NRXN1: variants seen among roughly 807,000 people sequenced by gnomAD.
The protein encoded by NRXN1 is neurexin-1.
In NRXN1, 39 loss-of-function variants were observed where a neutral mutation model predicts 150.9. The ratio of observed to expected loss-of-function variants is 0.26; its 90% confidence interval spans 0.20 to 0.34. The LOEUF (loss-of-function observed/expected upper bound fraction) is 0.34, where lower values mean the gene tolerates loss of function less well. Among genes scored for constraint, NRXN1 ranks in the 10% least tolerant of loss-of-function variants. NRXN1 has a pLI of 1.00. For missense variants in NRXN1, 1,815 were observed against 1,949.9 expected (o/e 0.93, Z 1.30); for synonymous variants, 924 against 757.0 (o/e 1.22, Z -3.62).
At chr2:50,603,565 G>A (rs758726143) in intron 8 of NRXN1, among the ~76,000 whole-genome samples, 1 of 152,106 alleles carries the variant, frequency 6.6e-6, no homozygotes, top group Non-Finnish European at 1.5e-5. Context: ...AGATGGTAGT[G>A]GTAGAAAATT....
At chr2:50,739,674 A>G (rs1699198076) in intron 5 of NRXN1, among the ~76,000 whole-genome samples, 1 of 152,142 alleles carries the variant, frequency 6.6e-6, no homozygotes. Context: ...TTTTTATATT[A>G]TCATTTTCCT....
In NRXN1 at chr2:50,347,432, A is replaced by C; in HGVS notation, c.3365-110462T>G. ...TTTGTGTGCGGGGACTAGGGAGGCC[A>C]CTTCGCCGGCCCAACCTCCTTTCAA... On this transcript the variant is annotated intron_variant, in intron 17 of 22. Transcript: ENST00000401669. The surrounding 1 kb of genome is among the most constrained non-coding windows in gnomAD (Gnocchi z 4.9). The C allele has an allele frequency of 8.8e-7, 1 of 1,142,710 alleles. No individual in the cohort carries two copies. The highest frequency in any genetic ancestry group is 1.1e-6 in the Non-Finnish European group (1 of 917,828). 70.8% of individuals were successfully genotyped at this position (1,142,710 alleles called of 1,614,324 possible).
intron 8 of NRXN1, among the ~76,000 whole-genome samples, chr2:50,567,271 A>C (rs900317131): frequency 6.6e-6 from 1 of 152,214 alleles, no homozygotes; most frequent in Non-Finnish European, 1.5e-5. Context: ...AACATTCAAC[A>C]CATCAGTTTT....
At position 50,863,127 on chromosome 2, in the gene NRXN1, A is replaced by T. The variant is rs561684704; in HGVS notation, c.832+58742T>A. 3.3e-5 allele frequency among the ~76,000 whole-genome samples: 5 copies of T among 151,482 alleles called. No individual in the cohort carries two copies. In the East Asian group the frequency reaches 9.8e-4, roughly 30 times the overall value. ...CACTGACTATCATATTTGGTAAGGT[A>T]GTTTATAAAGGGGTTTAGAAAGTTA... On this transcript the variant is annotated intron_variant, in intron 5 of 22. Coordinates refer to ENST00000401669, the MANE Select transcript of NRXN1 (RefSeq NM_001330078.2).
At chr2:50,848,207 G>A (rs1276920007) in intron 5 of NRXN1, among the ~76,000 whole-genome samples, 1 of 152,084 alleles carries the variant, frequency 6.6e-6, no homozygotes, top group African/African-American at 2.4e-5. Context: ...TCAAACAGCA[G>A]GGCACTGAAG....
chr2:50,440,752 C>T (rs1465864415), intron 17 of NRXN1, among the ~76,000 whole-genome samples: 4 of 151,894 alleles, frequency 2.6e-5, no homozygotes, highest in African/African-American at 7.3e-5. Context: ...TTATTTTTTC[C>T]TTTGTGCTCA....
chr2:50,837,625 G>C (rs1235966818), intron 5 of NRXN1, among the ~76,000 whole-genome samples: 1 of 151,990 alleles, frequency 6.6e-6, no homozygotes, highest in East Asian at 1.9e-4. Flanking sequence ...TATTATTTCT[G>C]AACAACTTTA....
At chr2:50,455,104 G>A (rs1398652762) in intron 17 of NRXN1, among the ~76,000 whole-genome samples, 1 of 152,200 alleles carries the variant, frequency 6.6e-6, no homozygotes, top group Non-Finnish European at 1.5e-5. Flanking sequence ...GCCAGAGCAT[G>A]TGAAGAACAA....
At chr2:51,021,080 G>T (rs10202982) in intron 2 of NRXN1, among the ~76,000 whole-genome samples, 27 of 151,872 alleles carry the variant, frequency 1.8e-4, no homozygotes, top group Non-Finnish European at 3.7e-4. Context: ...AAGGAACTGG[G>T]CCACAAAATT....
chr2:50,927,106 G>A (rs933585), intron 2 of NRXN1, among the ~76,000 whole-genome samples: 52,117 of 151,656 alleles, frequency 0.34, 10,270 homozygotes, highest in Non-Finnish European at 0.46. Flanking sequence ...TTAATTAATT[G>A]TACTTTATAA....
intron 12 of NRXN1, chr2:50,526,640 G>A (rs191235264): frequency 6.6e-5 from 10 of 152,080 alleles, no homozygotes; most frequent in African/African-American, 2.2e-4. Context: ...ATGGAACTTG[G>A]GTTTCTTACT....
intron 22 of NRXN1, among the ~76,000 whole-genome samples, chr2:49,925,953 A>C (rs1248084690): frequency 1.3e-5 from 2 of 152,302 alleles, no homozygotes; most frequent in Non-Finnish European, 2.9e-5. Flanking sequence ...GTGTAGGTAA[A>C]ATTAAGCCGA....
chr2:50,697,767 T>C (rs1693140926), intron 5 of NRXN1, among the ~76,000 whole-genome samples: 1 of 152,176 alleles, frequency 6.6e-6, no homozygotes, highest in Non-Finnish European at 1.5e-5. Context: ...TCAAATAAAA[T>C]AGGTTCTGCC....
At chr2:50,558,208 T>C (rs892320440) in intron 8 of NRXN1, among the ~76,000 whole-genome samples, 11 of 152,226 alleles carry the variant, frequency 7.2e-5, no homozygotes, top group African/African-American at 2.4e-4. Context: ...ATAAGTTACC[T>C]AGAAAATAGG....
At chr2:49,965,981 T>A (rs983094) in intron 21 of NRXN1, among the ~76,000 whole-genome samples, 45,854 of 152,110 alleles carry the variant, frequency 0.3, 7,617 homozygotes, top group South Asian at 0.43. Flanking sequence ...TCAGCTGGTG[T>A]GATTTTACAC....
At chr2:50,588,291 T>C (rs1673500836) in intron 8 of NRXN1, among the ~76,000 whole-genome samples, 1 of 152,132 alleles carries the variant, frequency 6.6e-6, no homozygotes, top group African/African-American at 2.4e-5. Flanking sequence ...TGTGGAAAAA[T>C]AGAATCTGAG....
intron 18 of NRXN1, chr2:50,175,237 A>G (rs2060281242): frequency 6.6e-6 from 1 of 152,240 alleles, no homozygotes; most frequent in African/African-American, 2.4e-5. Context: ...CAACACGGTC[A>G]CACAAATCAA....
chr2:50,595,690 A>G (rs544957834), intron 8 of NRXN1, among the ~76,000 whole-genome samples: 87 of 152,296 alleles, frequency 5.7e-4, no homozygotes, highest in African/African-American at 1.9e-3. Flanking sequence ...CAGAAAATGC[A>G]TATCACTTGT....
At chr2:50,184,977 G>A (rs866051723) in intron 18 of NRXN1, among the ~76,000 whole-genome samples, 2 of 152,058 alleles carry the variant, frequency 1.3e-5, no homozygotes, top group African/African-American at 2.4e-5. Context: ...CACGTAGGTG[G>A]CCTCCCCTCT....
Sources: gnomAD v4.1 joint callset for allele counts (sites outside exome capture counted in the v4.1 genomes callset) on GRCh38, gnomAD v4.1.1 for gene constraint, Gnocchi (gnomAD v3.1) non-coding constraint, MANE v1.5 for transcripts, NCBI Gene and HGNC (gene_info 2026-07-23, HGNC 2026-07-21) for gene names.